The following SUGP2 variants were observed in gnomAD, a reference collection of about 807,000 sequenced individuals.
SUGP2 encodes the protein SURP and G-patch domain-containing protein 2.
In SUGP2, 24 loss-of-function variants were observed where a neutral mutation model predicts 90.5. The observed-to-expected ratio is 0.27, with a 90% confidence interval of 0.19 to 0.37. The LOEUF (loss-of-function observed/expected upper bound fraction) is 0.37. SUGP2 is among the 10% of genes least tolerant of loss of function. The pLI, the probability that SUGP2 is intolerant of heterozygous loss-of-function variation, is 1.00. For missense variants in SUGP2, 1,233 were observed against 1,363.3 expected (o/e 0.90, Z 1.51); for synonymous variants, 473 against 513.4 (o/e 0.92, Z 1.06).
Position 19,027,189 on chromosome 19 carries a change from C to T in SUGP2, c.122-963G>A, listed in dbSNP as rs182166441. ...TCACACATGGAGAAACTGTAAGAAG[C>T]GAGGAAGAGAAGTGAACTACGGGCA... On this transcript the variant is annotated intron_variant, in intron 2 of 10. Transcript: ENST00000452918. Among the ~76,000 whole-genome samples the T allele has an allele frequency of 3.3e-5, 5 of 152,162 alleles. No homozygotes were observed. The East Asian group carries it at 9.7e-4, about 29-fold the overall frequency.
intron 6 of SUGP2, 98 bp from the exon 7 acceptor site, chr19:19,004,744 G>A (rs978839562): frequency 2.0e-6 from 2 of 1,013,978 alleles, no homozygotes; most frequent in East Asian, 2.5e-5. Flanking sequence ...GGTGGAGGTG[G>A]GACAAGGGAA....
chr19:19,014,527 G>T (rs1181028661), intron 4 of SUGP2, among the ~76,000 whole-genome samples: 2 of 151,904 alleles, frequency 1.3e-5, no homozygotes, highest in Non-Finnish European at 2.9e-5. Context: ...ATTAAGGCTG[G>T]ACATGATGGC....
chr19:19,012,083 T>C (rs1002517755), intron 4 of SUGP2, among the ~76,000 whole-genome samples: 1 of 152,232 alleles, frequency 6.6e-6, no homozygotes, highest in Non-Finnish European at 1.5e-5. Flanking sequence ...TGATGTGGCA[T>C]GTCCCTGGCA....
Position 19,031,089 on chromosome 19 carries a change from T to TGA in SUGP2, c.-11-9_-11-8dup. ...GCTGCCATGTTATTTTGCCCTATGG[T>TGA]GAGAGAGAAAAAAATACACTAAGAG... On this transcript the variant is annotated splice_polypyrimidine_tract_variant and splice_region_variant and intron_variant, in intron 1 of 10. Transcript: ENST00000452918. 6.2e-7 allele frequency: 1 copy of TGA among 1,605,410 alleles called. No homozygotes were observed. Among genetic ancestry groups the TGA allele is most frequent in the Non-Finnish European group, 8.5e-7 (1 of 1,177,548 alleles).
rs1455317413 is a variant in SUGP2, at chr19:18,993,726, A to ATCAGTGGTTC, written c.*14_*15insGAACCACTGA. On this transcript the variant is annotated 3_prime_UTR_variant, in exon 11 of 11. Coordinates refer to ENST00000452918, the MANE Select transcript of SUGP2 (RefSeq NM_001017392.5). ...TGCTGCTTCAAGGCTTATCTTTCACATCAGTGGTTTTGATCTATTCAGGAA... is the reference window on the plus strand; with the variant it reads ...TGCTGCTTCAAGGCTTATCTTTCACATCAGTGGTTCTCAGTGGTTTTGATCTATTCAGGAA... 1 of 152,506 alleles carries ATCAGTGGTTC rather than the reference A, an allele frequency of 6.6e-6. No homozygotes were observed. Among genetic ancestry groups the ATCAGTGGTTC allele is most frequent in the Non-Finnish European group, 1.5e-5 (1 of 68,020 alleles). The allele number at this position is 152,506 out of a possible 1,614,324, so 9.4% of individuals were successfully genotyped here.
chr19:19,021,665 C>A (rs902380149), intron 3 of SUGP2, among the ~76,000 whole-genome samples: 103 of 151,570 alleles, frequency 6.8e-4, no homozygotes, highest in Non-Finnish European at 1.1e-3. Flanking sequence ...AGATGTCATT[C>A]CAGCATTTTT....
intron 2 of SUGP2, among the ~76,000 whole-genome samples, chr19:19,027,368 CA>C (rs1382835458): frequency 1.3e-5 from 2 of 152,152 alleles, no homozygotes; most frequent in Admixed American, 1.3e-4. Context: ...CACAGGAAGC[CA>C]AAGTCGTATA....
At chr19:19,003,542 T>C (rs1008764685) in intron 7 of SUGP2, 3 of 152,370 alleles carry the variant, frequency 2.0e-5, no homozygotes, top group Admixed American at 2.0e-4. Flanking sequence ...GGCAGGGGAC[T>C]GCAATGGGAC....
At chr19:18,997,862 T>G (rs1025906441) in intron 8 of SUGP2, among the ~76,000 whole-genome samples, 8 of 150,972 alleles carry the variant, frequency 5.3e-5, no homozygotes, top group African/African-American at 2.0e-4. Flanking sequence ...GGGACTAAAG[T>G]AGCAGCCTCA....
chr19:18,997,782 C>CAAAAAAAAAAAAAAAAAA (rs35875282), intron 8 of SUGP2, among the ~76,000 whole-genome samples: 1 of 88,284 alleles, frequency 1.1e-5, no homozygotes, highest in African/African-American at 4.3e-5. Context: ...GACTCCGTCT[C>CAAAAAAAAAAAAAAAAAA]AAAAAAAAAA....
rs1599523728 is a variant in SUGP2, at chr19:19,019,263, T to C, written c.1730-34A>G. On this transcript the variant is annotated intron_variant, in intron 3 of 10. Transcript: ENST00000452918. ...CACAGAACAGCTTCTCTGAGAAATA[T>C]GCTGAATGTGGGCTCTGAGAAGACG... is the stretch of plus-strand genomic sequence containing the variant. 3.1e-6 allele frequency: 5 copies of C among 1,593,734 alleles called. No individual in the cohort carries two copies. The East Asian group carries it at 9.0e-5, about 29-fold the overall frequency.
chr19:19,030,029 T>C (rs1212792890), intron 2 of SUGP2, among the ~76,000 whole-genome samples: 1 of 151,872 alleles, frequency 6.6e-6, no homozygotes, highest in African/African-American at 2.4e-5. Context: ...AGAACCTGTC[T>C]TGGGGCTGGG....
intron 3 of SUGP2, among the ~76,000 whole-genome samples, chr19:19,024,388 G>T (rs1353453579): frequency 6.6e-6 from 1 of 152,220 alleles, no homozygotes; most frequent in Non-Finnish European, 1.5e-5. Flanking sequence ...GGGATTACAG[G>T]CATGTGCCAC....
rs2145178890 is a variant in SUGP2, at chr19:18,991,301, C to G, written c.*2440G>C. The G allele has an allele frequency of 6.6e-6, 1 of 152,568 alleles. No homozygotes were observed. Among genetic ancestry groups the G allele is most frequent in the South Asian group, 2.1e-4 (1 of 4,828 alleles). The allele number at this position is 152,568 out of a possible 1,614,324, so 9.5% of individuals were successfully genotyped here. The stretch of plus-strand genomic sequence containing the variant: ...TGGGGGCACGGAGGGCCAGTGGCAT[C>G]TCCTCTATCCCGGCTGGCCGGCAGC... On this transcript the variant is annotated 3_prime_UTR_variant, in exon 11 of 11. Transcript: ENST00000452918.
intron 7 of SUGP2, among the ~76,000 whole-genome samples, chr19:19,002,305 G>A (rs1436809645): frequency 2.6e-5 from 4 of 151,776 alleles, no homozygotes; most frequent in East Asian, 2.0e-4. Flanking sequence ...ACTTGAACCC[G>A]GGAGGCAGAG....
Position 19,009,979 on chromosome 19 carries a change from C to T in SUGP2, c.2214G>A (p.Pro738=), listed in dbSNP as rs547653323. Residue 738 remains proline, a synonymous_variant, in exon 5 of 11, where the codon CCG becomes CCA. Transcript: ENST00000452918. The part of the protein sequence containing the change: ...PDRNDAAKDC[P]PDPVGPSPQD... ...GAGGAGAAGGTCCAACTGGGTCTGG[C>T]GGGCAGTCCTTGGCAGCATCATTTC... The T allele has an allele frequency of 1.4e-5, 22 of 1,614,076 alleles. No homozygotes were observed. In the East Asian group the frequency reaches 1.8e-4, roughly 13 times the overall value.
chr19:19,029,706 G>A (rs75837491), intron 2 of SUGP2, among the ~76,000 whole-genome samples: 292 of 150,920 alleles, frequency 1.9e-3, no homozygotes, highest in Non-Finnish European at 2.2e-3. Flanking sequence ...CTGGGAGGCC[G>A]AGGCGGGCAG....
intron 8 of SUGP2, among the ~76,000 whole-genome samples, chr19:18,997,119 A>G (rs1228074794): frequency 6.6e-6 from 1 of 152,116 alleles, no homozygotes; most frequent in Non-Finnish European, 1.5e-5. Flanking sequence ...CCATGATGTC[A>G]TGCAGGCCTC....
intron 2 of SUGP2, among the ~76,000 whole-genome samples, chr19:19,029,598 C>T (rs2059069060): frequency 6.6e-6 from 1 of 151,294 alleles, no homozygotes; most frequent in Non-Finnish European, 1.5e-5. Flanking sequence ...ACAACCACAC[C>T]TGGCTAATTT....
Sources: gnomAD v4.1 joint callset for allele counts (sites outside exome capture counted in the v4.1 genomes callset) on GRCh38, gnomAD v4.1.1 for gene constraint, MANE v1.5 for transcripts, NCBI Gene and HGNC (gene_info 2026-07-23, HGNC 2026-07-21) for gene names.